The following SLC4A5 variants were observed in gnomAD, a reference collection of about 807,000 sequenced individuals.
The protein encoded by SLC4A5 is solute carrier family 4 member 5, also known as electrogenic sodium bicarbonate cotransporter 4.
SLC4A5 carries 96 observed loss-of-function variants against 120.4 expected under a neutral mutation model. The observed-to-expected ratio is 0.80, with a 90% CI of 0.68 to 0.94. The LOEUF is 0.94. SLC4A5 is among the 40% of genes least tolerant of loss of function. SLC4A5 has a pLI of 0.00. For missense variants in SLC4A5, 1,259 were observed against 1,459.5 expected (o/e 0.86, Z 2.24); for synonymous variants, 550 against 571.1 (o/e 0.96, Z 0.53).
intron 27 of SLC4A5, among the ~76,000 whole-genome samples, chr2:74,226,196 C>T (rs1694836474): frequency 6.6e-6 from 1 of 151,316 alleles, no homozygotes. Context: ...GGGTCAAGAA[C>T]CATGGACTAG....
intron 29 of SLC4A5, 25 bp downstream of exon 29, chr2:74,222,843 G>A (rs777554808): frequency 1.9e-6 from 3 of 1,567,756 alleles, no homozygotes; most frequent in African/African-American, 2.7e-5. Flanking sequence ...AGTAAGAAGG[G>A]AGAGACATCA....
intron 7 of SLC4A5, among the ~76,000 whole-genome samples, chr2:74,301,392 C>A (rs1239113545): frequency 6.6e-6 from 1 of 152,160 alleles, no homozygotes; most frequent in Non-Finnish European, 1.5e-5. Context: ...CAGGCCCAGA[C>A]ACATCTAGCC....
chr2:74,220,183 T>C (rs1400457734), intron 30 of SLC4A5, among the ~76,000 whole-genome samples: 1 of 152,212 alleles, frequency 6.6e-6, no homozygotes, highest in Non-Finnish European at 1.5e-5. Flanking sequence ...TCTAAATTCA[T>C]CTTTTCTGTG....
At chr2:74,338,331 C>G (rs2104356104) in intron 3 of SLC4A5, among the ~76,000 whole-genome samples, 1 of 152,278 alleles carries the variant, frequency 6.6e-6, no homozygotes. Context: ...TTTTAAAAAT[C>G]TACAAGTAAA....
intron 11 of SLC4A5, 63 bp downstream of exon 11, chr2:74,262,074 G>A (rs1488453312): frequency 1.4e-6 from 2 of 1,465,962 alleles, no homozygotes; most frequent in African/African-American, 2.8e-5. Context: ...ATGGCAATGT[G>A]GCCATGTCAC....
chr2:74,263,347 A>T (rs1671202006), intron 10 of SLC4A5, among the ~76,000 whole-genome samples: 1 of 152,178 alleles, frequency 6.6e-6, no homozygotes, highest in Non-Finnish European at 1.5e-5. Flanking sequence ...TGGACTCTCA[A>T]AGTGCTGGGA....
chr2:74,338,885 G>C (rs1261457096), exon 3 of SLC4A5: 1 of 152,200 alleles, frequency 6.6e-6, no homozygotes, highest in African/African-American at 2.4e-5. Flanking sequence ...TTATCTGGAA[G>C]GTTATCTTAC....
chr2:74,330,040 T>C (rs1242758673), intron 4 of SLC4A5, among the ~76,000 whole-genome samples: 1 of 151,444 alleles, frequency 6.6e-6, no homozygotes, highest in Non-Finnish European at 1.5e-5. Context: ...GAGGTGTAGA[T>C]GGTGATGGTG....
intron 6 of SLC4A5, chr2:74,307,992 C>G: frequency 5.4e-6 from 3 of 554,932 alleles, no homozygotes; most frequent in South Asian, 4.2e-5. Flanking sequence ...GAAGGTGGAA[C>G]GAGTGGTGAA....
chr2:74,273,870 G>A (rs73948729), intron 8 of SLC4A5, among the ~76,000 whole-genome samples: 2,650 of 152,222 alleles, frequency 0.017, 80 homozygotes, highest in African/African-American at 0.061. Flanking sequence ...TTTTCAAAAG[G>A]GGAACACCTG....
intron 5 of SLC4A5, among the ~76,000 whole-genome samples, chr2:74,321,665 G>C (rs1673101367): frequency 6.6e-6 from 1 of 151,816 alleles, no homozygotes; most frequent in Admixed American, 6.6e-5. Flanking sequence ...GAAAAAGGGA[G>C]AATGCGCATT....
At chr2:74,335,333 A>C (rs78466814) in intron 3 of SLC4A5, among the ~76,000 whole-genome samples, 7,797 of 152,250 alleles carry the variant, frequency 0.051, 527 homozygotes, top group East Asian at 0.36. Context: ...CACTATTGGG[A>C]ATCATTGAGG....
At chr2:74,276,625 AGGCAGAACTGT>A (rs551003008) in intron 8 of SLC4A5, among the ~76,000 whole-genome samples, 242 of 125,634 alleles carry the variant, frequency 1.9e-3, no homozygotes, top group African/African-American at 8.5e-3. Flanking sequence ...TTGGTATTAG[AGGCAGAACTGT>A]GGCCAAAGGA....
At chr2:74,308,108 G>T in intron 6 of SLC4A5, 1 of 395,286 alleles carries the variant, frequency 2.5e-6, no homozygotes. Context: ...ATGTACTGTA[G>T]TTTGTTCATC....
chr2:74,328,149 T>C, exon 5 of SLC4A5: 8 of 985,900 alleles, frequency 8.1e-6, no homozygotes, highest in Non-Finnish European at 9.6e-6. Context: ...GAAACCAGGA[T>C]CCAAATCCCA....
chr2:74,230,653 G>A (rs1421323933), intron 25 of SLC4A5, among the ~76,000 whole-genome samples: 1 of 152,216 alleles, frequency 6.6e-6, no homozygotes, highest in East Asian at 1.9e-4. Flanking sequence ...AACTTTCAGA[G>A]GGAAGAGTAT....
At chr2:74,252,841 G>C (rs1301101286) in intron 15 of SLC4A5, 133 bp downstream of exon 15, 2 of 1,067,962 alleles carry the variant, frequency 1.9e-6, no homozygotes, top group Non-Finnish European at 2.7e-6. Context: ...ACCTGCCTCA[G>C]CATCCCAAAG....
At chr2:74,240,804 A>T (rs757637529) in intron 20 of SLC4A5, among the ~76,000 whole-genome samples, 26 of 152,072 alleles carry the variant, frequency 1.7e-4, no homozygotes. Context: ...GAAAAATATT[A>T]AGTTAAATTG....
chr2:74,307,408 T>A, intron 6 of SLC4A5: 2 of 641,038 alleles, frequency 3.1e-6, no homozygotes, highest in Non-Finnish European at 5.8e-6. Context: ...AGAGCCTCGA[T>A]CTCTGTCTCC....
Sources: gnomAD v4.1 joint callset for allele counts (sites outside exome capture counted in the v4.1 genomes callset) on GRCh38, gnomAD v4.1.1 for gene constraint, MANE v1.5 for transcripts, NCBI Gene and HGNC (gene_info 2026-07-23, HGNC 2026-07-21) for gene names.